Variants in DOCK10 observed in about 807,000 individuals in gnomAD.
DOCK10 encodes dedicator of cytokinesis 10.
In DOCK10, 145 loss-of-function variants were observed where a neutral mutation model predicts 280.1. The observed-to-expected ratio is 0.52, with a 90% confidence interval of 0.45 to 0.59. The LOEUF (loss-of-function observed/expected upper bound fraction) is 0.59. Among genes scored for constraint, DOCK10 ranks in the 20% least tolerant of loss-of-function variants. The pLI is 0.00. For missense variants in DOCK10, 2,368 were observed against 2,651.7 expected (o/e 0.89, Z 2.35); for synonymous variants, 915 against 942.2 (o/e 0.97, Z 0.53).
intron 1 of DOCK10, among the ~76,000 whole-genome samples, chr2:225,028,540 C>A (rs1475914338): frequency 1.3e-5 from 2 of 152,170 alleles, no homozygotes; most frequent in Non-Finnish European, 2.9e-5. Context: ...TAGGATAATA[C>A]ACAGATGCTG....
In DOCK10 at chr2:224,765,783, C is replaced by T. The variant is rs754539597; in HGVS notation, c.6499G>A (p.Val2167Ile). 6 of 1,613,912 alleles carry T rather than the reference C, an allele frequency of 3.7e-6. No homozygotes were observed. Among genetic ancestry groups the T allele is most frequent in the Non-Finnish European group, 3.4e-6 (4 of 1,179,866 alleles). The change falls in exon 56 of 56, where the codon GTA becomes ATA. Residue 2167 changes from valine (V) to isoleucine (I), a missense_variant. Coordinates refer to ENST00000258390, the MANE Select transcript of DOCK10 (RefSeq NM_014689.3). ...AGGGCCGGAGTTGCTTTGCTAATTA[C>T]TCGAGTGCAGGTTTGGTCCACTCCG... ...KRGVDQTCTR[V>I]ISKATPALPT...
chr2:224,895,239 CT>C (rs1431448252), intron 4 of DOCK10, among the ~76,000 whole-genome samples: 1 of 152,210 alleles, frequency 6.6e-6, no homozygotes, highest in Non-Finnish European at 1.5e-5. Flanking sequence ...GTATACAAGT[CT>C]TGAAAAGGTG....
At chr2:224,830,952 T>TTTATTTATTTATTTA (rs1559509293) in intron 26 of DOCK10, among the ~76,000 whole-genome samples, 8 of 79,692 alleles carry the variant, frequency 1.0e-4, no homozygotes, top group African/African-American at 5.3e-4. Context: ...TTATTTATTT[T>TTTATTTATTTATTTA]TTGAGACAGT....
chr2:225,010,739 G>T (rs1689410016), intron 1 of DOCK10, among the ~76,000 whole-genome samples: 1 of 152,068 alleles, frequency 6.6e-6, no homozygotes, highest in African/African-American at 2.4e-5. Context: ...AAGAAATACA[G>T]AAAAGCAAAT....
chr2:224,849,192 T>G (rs1319116188), intron 19 of DOCK10, among the ~76,000 whole-genome samples: 2 of 152,184 alleles, frequency 1.3e-5, no homozygotes, highest in African/African-American at 4.8e-5. Flanking sequence ...GCCAGGATGG[T>G]CTTGATCTCC....
rs1693222136 is a variant in DOCK10 at position 224,804,196 on chromosome 2, A to G, written c.4184T>C (p.Phe1395Ser). Residue 1395 changes from phenylalanine (F) to serine (S), a missense_variant, in exon 39 of 56, where the codon TTT (phenylalanine) becomes TCT (serine). Transcript: ENST00000258390. Reference protein sequence around the residue: ...RNIIRKIAAAFKFVQSTQNNG... With the variant: ...RNIIRKIAAASKFVQSTQNNG... ...GTTCTGGGTGGACTGCACAAATTTA[A>G]ATGCAGCAGCAATTTTTCTGCAATG... 2 of 1,610,198 alleles carry G rather than the reference A, an allele frequency of 1.2e-6. No homozygotes were observed. The highest frequency in any genetic ancestry group is 8.5e-7 in the Non-Finnish European group (1 of 1,177,726).
chr2:224,797,711 A>G, intron 42 of DOCK10, 121 bp downstream of exon 42: 1 of 1,214,738 alleles, frequency 8.2e-7, no homozygotes, highest in Non-Finnish European at 1.1e-6. Flanking sequence ...ATAAAACCCA[A>G]ATTGAAGAAA....
chr2:224,873,453 C>A (rs911165426), intron 11 of DOCK10, among the ~76,000 whole-genome samples: 2 of 151,794 alleles, frequency 1.3e-5, no homozygotes, highest in Non-Finnish European at 2.9e-5. Flanking sequence ...CATGGTGGTG[C>A]GTGCCTGTAG....
At chr2:224,860,985 G>GT (rs1163585805) in intron 14 of DOCK10, 2 of 152,104 alleles carry the variant, frequency 1.3e-5, no homozygotes, top group African/African-American at 4.8e-5. Flanking sequence ...GTGCACTATT[G>GT]TAATTTTGTT....
In DOCK10 at chr2:225,018,594, TTA is replaced by T. The variant is rs1329076196; in HGVS notation, c.123+23656_123+23657del. On this transcript the variant is annotated intron_variant, in intron 1 of 55. Coordinates refer to ENST00000258390, the MANE Select transcript of DOCK10 (RefSeq NM_014689.3). ...ATATATATATAATATATATGTAATA[TTA>T]TATATATATAATATATATGTAATAT... Among the ~76,000 whole-genome samples, 74 of 17,336 alleles carry T rather than the reference TTA, an allele frequency of 4.3e-3. 20 individuals are homozygous for T. Among genetic ancestry groups the T allele is most frequent in the Non-Finnish European group, 5.9e-3 (56 of 9,554 alleles). The allele number at this position is 17,336 out of a possible 152,430, so 11.4% of individuals were successfully genotyped here.
rs1559537456 is a variant in DOCK10, at chr2:224,842,592, C to CAT, written c.2569-697_2569-696insAT. Among the ~76,000 whole-genome samples the CAT allele has an allele frequency of 3.0e-3, 454 of 151,920 alleles. 1 individual carries two copies. Among genetic ancestry groups the CAT allele is most frequent in the African/African-American group, 0.011 (438 of 41,444 alleles). On this transcript the variant is annotated intron_variant, in intron 22 of 55. Transcript: ENST00000258390. ...TCCCTCAGGCCACTGTGTGTGTGCGCGTGTGTGTGTGTGCCCTATTTTCTC... is the reference window on the plus strand; with the variant it reads ...TCCCTCAGGCCACTGTGTGTGTGCGCATGTGTGTGTGTGTGCCCTATTTTCTC...
At chr2:224,869,382 C>T (rs1300773495) in intron 11 of DOCK10, among the ~76,000 whole-genome samples, 1 of 152,140 alleles carries the variant, frequency 6.6e-6, no homozygotes. Context: ...CAGTAGTTGG[C>T]TCCTAAGCAG....
intron 31 of DOCK10, among the ~76,000 whole-genome samples, chr2:224,811,396 A>C (rs1008023341): frequency 2.6e-5 from 4 of 151,950 alleles, no homozygotes; most frequent in Non-Finnish European, 5.9e-5. Context: ...CCCTTTGTCA[A>C]ATGAGTAGGT....
At chr2:224,989,559 C>T (rs1344456122) in intron 1 of DOCK10, among the ~76,000 whole-genome samples, 1 of 152,126 alleles carries the variant, frequency 6.6e-6, no homozygotes, top group Non-Finnish European at 1.5e-5. Flanking sequence ...TTGAAAGTGG[C>T]AGGGGATTTT....
intron 1 of DOCK10, among the ~76,000 whole-genome samples, chr2:225,008,153 T>A (rs1689327203): frequency 6.6e-6 from 1 of 152,204 alleles, no homozygotes; most frequent in Admixed American, 6.5e-5. Flanking sequence ...AGTCTTCTTG[T>A]CATTCATTCA....
Position 224,765,645 on chromosome 2 carries a change from C to T in DOCK10, c.*76G>A. ...CCATGAAAACTTCAAATAAATTAAACCTATCTTTCTCTTCCCCGAGATTAG... is the reference window on the plus strand; with the variant it reads ...CCATGAAAACTTCAAATAAATTAAATCTATCTTTCTCTTCCCCGAGATTAG... On this transcript the variant is annotated 3_prime_UTR_variant, in exon 56 of 56. Coordinates refer to ENST00000258390, the MANE Select transcript of DOCK10 (RefSeq NM_014689.3). The T allele has an allele frequency of 2.0e-6, 2 of 1,018,768 alleles. No homozygotes were observed. Among genetic ancestry groups the T allele is most frequent in the Non-Finnish European group, 1.4e-6 (1 of 690,678 alleles). 63.1% of individuals were successfully genotyped at this position (1,018,768 alleles called of 1,614,324 possible).
At chr2:224,980,704 A>G (rs1434736557) in intron 1 of DOCK10, among the ~76,000 whole-genome samples, 1 of 152,252 alleles carries the variant, frequency 6.6e-6, no homozygotes, top group East Asian at 1.9e-4. Flanking sequence ...AGAAGTGTGA[A>G]CAGACTGGAA....
At chr2:224,839,513 A>G (rs151220621) in intron 24 of DOCK10, among the ~76,000 whole-genome samples, 39 of 152,198 alleles carry the variant, frequency 2.6e-4, no homozygotes, top group South Asian at 1.2e-3. Context: ...GTGGAATACT[A>G]CTCTGCAATG....
intron 14 of DOCK10, among the ~76,000 whole-genome samples, chr2:224,859,322 C>T (rs1381209513): frequency 6.6e-6 from 1 of 152,130 alleles, no homozygotes; most frequent in Non-Finnish European, 1.5e-5. Flanking sequence ...TCAAGGAAAT[C>T]ACAAAAGAGT....
Sources: gnomAD v4.1 joint callset for allele counts (sites outside exome capture counted in the v4.1 genomes callset) on GRCh38, gnomAD v4.1.1 for gene constraint, MANE v1.5 for transcripts, NCBI Gene and HGNC (gene_info 2026-07-23, HGNC 2026-07-21) for gene names.